PLA2G4F: variants seen among roughly 807,000 people sequenced by gnomAD.
PLA2G4F encodes cytosolic phospholipase A2 zeta.
A neutral mutation model predicts 103.1 loss-of-function variants in PLA2G4F; 105 were observed. The observed-to-expected ratio is 1.02, with a 90% CI of 0.87 to 1.20. The LOEUF (loss-of-function observed/expected upper bound fraction) is 1.20. Among genes scored for constraint, PLA2G4F ranks in the 50% most tolerant of loss-of-function variants. PLA2G4F has a pLI of 0.00. For missense variants in PLA2G4F, 1,155 were observed against 1,075.9 expected, an observed-to-expected ratio of 1.07 and a Z score of -1.03; for synonymous variants, 468 against 441.1, an observed-to-expected ratio of 1.06 and a Z score of -0.76.
intron 11 of PLA2G4F, chr15:42,148,528 C>T (rs2048917679): frequency 1.2e-6 from 1 of 847,110 alleles, no homozygotes; most frequent in Middle Eastern, 6.0e-4. Flanking sequence ...CCTCCACCTC[C>T]CCTTTCCCCA....
rs573724327 is a variant in PLA2G4F, at chr15:42,147,282, G to T, written c.1261C>A (p.Arg421Ser). The T allele has an allele frequency of 1.3e-5, 21 of 1,611,006 alleles. No homozygotes were observed. Among genetic ancestry groups the T allele is most frequent in the Non-Finnish European group, 1.5e-5 (18 of 1,179,960 alleles). Residue 421 changes from arginine (R) to serine (S), a missense_variant, in exon 13 of 20, where the codon CGT becomes AGT. By Grantham distance (110) the Arg-to-Ser change is moderately radical (BLOSUM62 -1). Transcript: ENST00000397272. ...SQVALQGPIERAQVHVCSSKM... is the reference protein window; with the variant it reads ...SQVALQGPIESAQVHVCSSKM... ...CTGCTGCAGACGTGAACCTGGGCAC[G>T]CTCAATGGGGCCCTGCAAGGCCACC...
Position 42,150,750 on chromosome 15 carries a change from G to A in PLA2G4F, c.629C>T (p.Pro210Leu), listed in dbSNP as rs2048951872. 1 of 1,609,868 alleles carries A rather than the reference G, an allele frequency of 6.2e-7. No individual in the cohort carries two copies. The highest frequency in any genetic ancestry group is 1.3e-5 in the African/African-American group (1 of 75,018). The change falls in exon 8 of 20, where the codon CCT (proline) becomes CTT (leucine). Residue 210 changes from proline (P) to leucine (L), a missense_variant. Physicochemically the swap from Pro to Leu is moderately conservative, Grantham distance 98. Coordinates refer to ENST00000397272, the MANE Select transcript of PLA2G4F (RefSeq NM_213600.4). ...YGSRQLQLAV[P>L]GAYEKPQLLP... ...GAGCTGTGGCTTCTCGTAGGCTCCA[G>A]GCACTGCCAGCTGGAGCTGCCTAGA... is the stretch of plus-strand genomic sequence containing the variant.
intron 7 of PLA2G4F, 113 bp from the exon 8 acceptor site, chr15:42,150,890 T>TGCCAGCTCTTATC (rs2140811971): frequency 6.7e-7 from 1 of 1,486,526 alleles, no homozygotes; most frequent in East Asian, 2.5e-5. Context: ...CCCTAGGAAA[T>TGCCAGCTCTTATC]GCCAGCTCTT....
chr15:42,149,537 G>T lies in PLA2G4F; in HGVS notation c.1059+176C>A, dbSNP rs538972070. 3,883 of 985,392 alleles carry T rather than the reference G, an allele frequency of 3.9e-3. 11 individuals carry two copies. Among genetic ancestry groups the T allele is most frequent in the Non-Finnish European group, 4.5e-3 (3,716 of 829,918 alleles). The allele number at this position is 985,392 out of a possible 1,614,324, so 61.0% of individuals were successfully genotyped here. On this transcript the variant is annotated intron_variant, in intron 11 of 19. Transcript: ENST00000397272. ...CGGCCCACATAGACATCCAGCTTTG[G>T]CCAGGGCCGTTTGGCCCTGGTCCCA...
In PLA2G4F at chr15:42,142,005, A is replaced by G. The variant is rs780905266; in HGVS notation, c.2529T>C (p.Ala843=). The G allele has an allele frequency of 6.2e-7, 1 of 1,613,814 alleles. No individual in the cohort carries two copies. The highest frequency in any genetic ancestry group is 8.5e-7 in the Non-Finnish European group (1 of 1,179,984). The part of the protein sequence containing the change: ...ALQLALDRHQ[A]RERAGA ...TTGGTCAGGCCCCTGCCCTCTCCCG[A>G]GCCTGGTGCCGGTCCAGAGCCAGCT... The change falls in exon 20 of 20, where the codon GCT becomes GCC. Residue 843 remains alanine, a synonymous_variant. Coordinates refer to ENST00000397272, the MANE Select transcript of PLA2G4F (RefSeq NM_213600.4).
intron 4 of PLA2G4F, 33 bp from the exon 5 acceptor site, chr15:42,153,693 C>A: frequency 6.2e-7 from 1 of 1,612,954 alleles, no homozygotes; most frequent in South Asian, 1.1e-5. Context: ...CCAATTTTTT[C>A]AAGGCTCCAA....
At chr15:42,145,009 G>C (rs2048866653) in intron 16 of PLA2G4F, among the ~76,000 whole-genome samples, 1 of 152,304 alleles carries the variant, frequency 6.6e-6, no homozygotes, top group African/African-American at 2.4e-5. Context: ...AAGGTGAACG[G>C]GACCTGCCCT....
chr15:42,145,793 G>A lies in PLA2G4F; in HGVS notation c.1645C>T (p.Pro549Ser), dbSNP rs371058852. 14 of 1,614,002 alleles carry A rather than the reference G, an allele frequency of 8.7e-6. No individual in the cohort carries two copies. The highest frequency in any genetic ancestry group is 2.7e-5 in the African/African-American group (2 of 74,928). The change falls in exon 15 of 20, where the codon CCT becomes TCT. Residue 549 changes from proline (P) to serine (S), a missense_variant. Physicochemically the swap from Pro to Ser is moderately conservative, Grantham distance 74 (BLOSUM62 -1). Transcript: ENST00000397272. The stretch of plus-strand genomic sequence containing the variant: ...TGCAGGTAACAGATCCGGGGTTCAG[G>A]CTGGAGCTGCAGCAATCGTCCCATG... The part of the protein sequence containing the change: ...LFMGRLLQLQ[P>S]EPRICYLQGM...
intron 1 of PLA2G4F, among the ~76,000 whole-genome samples, chr15:42,156,024 C>A (rs1200052596): frequency 6.6e-6 from 1 of 152,148 alleles, no homozygotes; most frequent in Non-Finnish European, 1.5e-5. Flanking sequence ...TAGGAGGCAG[C>A]GAGCAGGTGA....
In PLA2G4F at chr15:42,155,542, G is replaced by A; in HGVS notation, c.159C>T (p.Ala53=). The change falls in exon 2 of 20, where the codon GCC becomes GCT. Residue 53 remains alanine, a synonymous_variant. Coordinates refer to ENST00000397272, the MANE Select transcript of PLA2G4F (RefSeq NM_213600.4). ...YYDLQVKVLR[A]TNIRGTDLLS... is the part of the protein sequence containing the mutation. ...GCAGGTCTGTGCCCCGGATGTTTGT[G>A]GCCCTCAGCACCTTCACCTGGAGGT... is the stretch of plus-strand genomic sequence containing the variant. 1.9e-6 allele frequency: 3 copies of A among 1,614,124 alleles called. No individual in the cohort carries two copies. The highest frequency in any genetic ancestry group is 2.2e-5 in the South Asian group (2 of 91,080).
chr15:42,140,794 C>T lies in PLA2G4F; in HGVS notation c.*1190G>A, dbSNP rs987378769. On this transcript the variant is annotated 3_prime_UTR_variant, in exon 20 of 20. Transcript: ENST00000397272. Reference sequence around the variant, plus strand: ...AGGGGGTGCAGCCAAGAGGGAGCCCCTGGGACAGGGGGCAGAAGGAACAAG... The same window carrying T: ...AGGGGGTGCAGCCAAGAGGGAGCCCTTGGGACAGGGGGCAGAAGGAACAAG... 1.2e-5 allele frequency: 2 copies of T among 165,516 alleles called. No individual in the cohort carries two copies. Among genetic ancestry groups the T allele is most frequent in the African/African-American group, 4.8e-5 (2 of 41,968 alleles). The allele number at this position is 165,516 out of a possible 1,614,324, so 10.3% of individuals were successfully genotyped here. A position where few individuals can be genotyped will look rare whatever the true frequency, so the allele number is the denominator to read the frequency against.
rs751152468 is a variant in PLA2G4F, at chr15:42,144,555, C to A, written c.1870G>T (p.Asp624Tyr). The A allele has an allele frequency of 6.2e-7, 1 of 1,613,014 alleles. No homozygotes were observed. Among genetic ancestry groups the A allele is most frequent in the East Asian group, 2.2e-5 (1 of 44,886 alleles). The change falls in exon 17 of 20, where the codon GAC becomes TAC. Residue 624 changes from aspartate (D) to tyrosine (Y), a missense_variant. Asp to Tyr is a radical substitution (Grantham distance 160). Around this residue, in one of 3 missense-constraint regions of PLA2G4F, gnomAD observed 782 missense variants for 692.9 expected, o/e 1.13. Coordinates refer to ENST00000397272, the MANE Select transcript of PLA2G4F (RefSeq NM_213600.4). ...PQGPFSQAVL[D>Y]IFTSRFTSAQ... ...GAAGTGAAGCGGGAGGTGAATATGT[C>A]CAGCACAGCCTGGGAGAAGGGCCCC... is the stretch of plus-strand genomic sequence containing the variant.
intron 7 of PLA2G4F, chr15:42,151,117 A>C: frequency 1.0e-6 from 1 of 985,294 alleles, no homozygotes; most frequent in Non-Finnish European, 1.2e-6. Context: ...AAGAATGAGC[A>C]GTTTTCAGGC....
At chr15:42,153,986 C>A (rs1182142759) in intron 4 of PLA2G4F, 106 bp downstream of exon 4, 4 of 1,524,630 alleles carry the variant, frequency 2.6e-6, no homozygotes, top group Non-Finnish European at 3.5e-6. Flanking sequence ...GGAGGAAGGT[C>A]TGCCTTGGAG....
In PLA2G4F at chr15:42,147,719, G is replaced by A. The variant is rs749564105; in HGVS notation, c.1103C>T (p.Ala368Val). ...CAGGCTGCCGTACAGAGAAGACATG[G>A]CTCGGGTTCCACCCCCGGAACCCAA... The part of the protein sequence containing the change: ...AVLGSGGGTR[A>V]MSSLYGSLAG... Residue 368 changes from alanine to valine, a missense_variant, in exon 12 of 20, where the codon GCC (alanine) becomes GTC (valine). Transcript: ENST00000397272. 2 of 1,613,920 alleles carry A rather than the reference G, an allele frequency of 1.2e-6. No individual in the cohort carries two copies. Among genetic ancestry groups the A allele is most frequent in the Non-Finnish European group, 1.7e-6 (2 of 1,179,970 alleles).
At chr15:42,147,436 C>A in intron 12 of PLA2G4F, 90 bp from the exon 13 acceptor site, 1 of 1,404,760 alleles carries the variant, frequency 7.1e-7, no homozygotes, top group Non-Finnish European at 9.8e-7. Context: ...CCTCCACCCC[C>A]ACCACTTGCA....
chr15:42,147,006 C>A (rs747415211), intron 13 of PLA2G4F, 118 bp downstream of exon 13: 3 of 1,042,390 alleles, frequency 2.9e-6, no homozygotes, highest in Non-Finnish European at 4.1e-6. Flanking sequence ...CCAGGGGAGC[C>A]GAGAGCTCAG....
chr15:42,149,612 C>T, intron 11 of PLA2G4F, 101 bp downstream of exon 11: 1 of 1,522,076 alleles, frequency 6.6e-7, no homozygotes, highest in Non-Finnish European at 8.8e-7. Flanking sequence ...GTGAACAGGC[C>T]AACCTCCTCT....
Position 42,155,300 on chromosome 15 carries a change from TCACA to T in PLA2G4F, c.184+213_184+216del, listed in dbSNP as rs60514990. 3.2e-3 allele frequency among the ~76,000 whole-genome samples: 483 copies of T among 151,572 alleles called. 2 individuals are homozygous for T. The highest frequency in any genetic ancestry group is 0.011 in the African/African-American group (453 of 41,324). On this transcript the variant is annotated intron_variant, in intron 2 of 19. Coordinates refer to ENST00000397272, the MANE Select transcript of PLA2G4F (RefSeq NM_213600.4). ...ATGTTTACACCACATATACACGCAC[TCACA>T]CACACGTATACACATGTACTCACAC...
Sources: allele counts gnomAD v4.1 joint callset (sites outside exome capture counted in the v4.1 genomes callset), GRCh38; gene constraint gnomAD v4.1.1; regional missense constraint gnomAD v4.1.1; transcripts MANE v1.5; gene names NCBI Gene and HGNC (gene_info 2026-07-23, HGNC 2026-07-21).